Variants in GALNT13 observed in about 807,000 individuals in gnomAD.
GALNT13 encodes the protein polypeptide N-acetylgalactosaminyltransferase 13.
Under a neutral mutation model 64.2 loss-of-function variants are expected in GALNT13, and 28 were observed. The observed-to-expected ratio is 0.44, with a 90% CI of 0.32 to 0.60. The LOEUF is 0.60. Among genes scored for constraint, GALNT13 ranks in the 20% least tolerant of loss-of-function variants. The pLI, the probability that GALNT13 is intolerant of heterozygous loss-of-function variation, is 0.05. For missense variants in GALNT13, 577 were observed against 669.8 expected, an observed-to-expected ratio of 0.86 and a Z score of 1.53; for synonymous variants, 214 against 224.6, an observed-to-expected ratio of 0.95 and a Z score of 0.42.
At chr2:153,189,967 T>G in the GALNT13 span, among the ~76,000 whole-genome samples, 2 of 152,102 alleles carry the variant, frequency 1.3e-5, no homozygotes, top group African/African-American at 4.8e-5. Context: ...TGCTGTTGTC[T>G]GATTTCTTTT....
chr2:153,179,260 A>G, the GALNT13 span, among the ~76,000 whole-genome samples: 2 of 152,180 alleles, frequency 1.3e-5, no homozygotes, highest in Non-Finnish European at 2.9e-5. Context: ...GCATATCCAT[A>G]TTGTTTACTC....
the GALNT13 span, among the ~76,000 whole-genome samples, chr2:153,754,131 GA>G: frequency 6.6e-6 from 1 of 152,030 alleles, no homozygotes; most frequent in East Asian, 1.9e-4. Flanking sequence ...TGCAGATTCA[GA>G]AATGCCATTC....
intron 4 of GALNT13, among the ~76,000 whole-genome samples, chr2:154,188,582 C>CA (rs1476264476): frequency 1.3e-5 from 2 of 151,828 alleles, no homozygotes; most frequent in Admixed American, 6.5e-5. Flanking sequence ...AATGTTAAAG[C>CA]AAAAAAGATA....
At chr2:153,647,823 A>G in the GALNT13 span, among the ~76,000 whole-genome samples, 2 of 152,090 alleles carry the variant, frequency 1.3e-5, no homozygotes, top group African/African-American at 4.8e-5. Flanking sequence ...CCATTGGTCT[A>G]TATCTCTGTT....
chr2:153,852,353 G>A, the GALNT13 span, among the ~76,000 whole-genome samples: 1 of 151,896 alleles, frequency 6.6e-6, no homozygotes, highest in South Asian at 2.1e-4. Flanking sequence ...TAGATAAAGT[G>A]GATTACCAAG....
At chr2:153,884,033 T>A (rs1411863710) in intron 1 of GALNT13, among the ~76,000 whole-genome samples, 1 of 151,790 alleles carries the variant, frequency 6.6e-6, no homozygotes, top group Admixed American at 6.6e-5. Flanking sequence ...TGGAGAGAGT[T>A]GAAGGAAAGG....
At chr2:154,339,800 G>A (rs1695655886) in intron 9 of GALNT13, among the ~76,000 whole-genome samples, 1 of 151,986 alleles carries the variant, frequency 6.6e-6, no homozygotes, top group East Asian at 1.9e-4. Context: ...TGGTTCCTGA[G>A]CTTTCTCTCT....
the GALNT13 span, among the ~76,000 whole-genome samples, chr2:153,861,881 C>T: frequency 1.3e-5 from 2 of 152,132 alleles, no homozygotes; most frequent in Non-Finnish European, 2.9e-5. Context: ...GCCCAGCCTC[C>T]TTTCTTTAAT....
the GALNT13 span, among the ~76,000 whole-genome samples, chr2:153,785,357 G>A: frequency 2.7e-3 from 405 of 152,162 alleles, 13 homozygotes; most frequent in Admixed American, 0.024. Context: ...CCTCCCTGGA[G>A]TGGAGCTCCC....
chr2:153,415,473 G>A, the GALNT13 span, among the ~76,000 whole-genome samples: 1 of 152,140 alleles, frequency 6.6e-6, no homozygotes, highest in Admixed American at 6.6e-5. Context: ...GATTCTGAAG[G>A]TTACTCATGG....
chr2:154,436,018 A>G (rs1295751860), intron 11 of GALNT13: 2 of 152,196 alleles, frequency 1.3e-5, no homozygotes, highest in Non-Finnish European at 2.9e-5. Flanking sequence ...TATGAAGAGT[A>G]AAAGACATCC....
At chr2:153,378,591 G>A in the GALNT13 span, among the ~76,000 whole-genome samples, 1 of 152,116 alleles carries the variant, frequency 6.6e-6, no homozygotes, top group South Asian at 2.1e-4. Flanking sequence ...TAGAGTGTAT[G>A]CAAATTGGAT....
chr2:153,515,610 C>T, the GALNT13 span, among the ~76,000 whole-genome samples: 707 of 152,192 alleles, frequency 4.6e-3, 8 homozygotes, highest in African/African-American at 0.016. Flanking sequence ...GACAGCTTGG[C>T]GATTGACATG....
Position 154,298,768 on chromosome 2 carries a change from T to TTG in GALNT13, c.976-2640_976-2639insGT, listed in dbSNP as rs1693221338. Among the ~76,000 whole-genome samples, 2 of 124,742 alleles carry TTG rather than the reference T, an allele frequency of 1.6e-5. 1 individual carries two copies. The highest frequency in any genetic ancestry group is 3.2e-5 in the Non-Finnish European group (2 of 62,648). 81.8% of individuals were successfully genotyped at this position (124,742 alleles called of 152,430 possible). On this transcript the variant is annotated intron_variant, in intron 8 of 12. Transcript: ENST00000392825. ...TATAAATATATATACTATATATAAA[T>TTG]TATATATTTATTTATATATTATATT...
intron 11 of GALNT13, 32 bp from the exon 12 acceptor site, chr2:154,438,560 A>AC (rs1559155354): frequency 6.5e-7 from 1 of 1,549,646 alleles, no homozygotes; most frequent in Admixed American, 1.7e-5. Context: ...TAAAACATAC[A>AC]TTTTTTTTAT....
the GALNT13 span, among the ~76,000 whole-genome samples, chr2:153,742,133 C>A: frequency 2.0e-5 from 3 of 152,024 alleles, no homozygotes; most frequent in African/African-American, 7.2e-5. Flanking sequence ...CCCATTAACC[C>A]CAATCCCCAG....
intron 3 of GALNT13, among the ~76,000 whole-genome samples, chr2:154,116,545 G>A (rs181017902): frequency 5.9e-5 from 9 of 152,234 alleles, no homozygotes; most frequent in Admixed American, 4.6e-4. Context: ...ACTGAACTAG[G>A]AGCAACCAAC....
chr2:153,437,343 C>T, the GALNT13 span, among the ~76,000 whole-genome samples: 39 of 152,068 alleles, frequency 2.6e-4, no homozygotes, highest in Non-Finnish European at 4.7e-4. Context: ...CTATTGGGTC[C>T]ACTTGGTGCA....
chr2:153,624,266 C>G, the GALNT13 span, among the ~76,000 whole-genome samples: 1 of 152,018 alleles, frequency 6.6e-6, no homozygotes, highest in Non-Finnish European at 1.5e-5. Flanking sequence ...TCTCTAGGAG[C>G]CTATTTCTGT....
Sources: allele counts gnomAD v4.1 joint callset (sites outside exome capture counted in the v4.1 genomes callset), GRCh38; gene constraint gnomAD v4.1.1; transcripts MANE v1.5; gene names NCBI Gene and HGNC (gene_info 2026-07-23, HGNC 2026-07-21).